SND1: variants seen among roughly 807,000 people sequenced by gnomAD.
The protein encoded by SND1 is staphylococcal nuclease domain-containing protein 1.
SND1 carries 38 observed loss-of-function variants against 121.7 expected under a neutral mutation model. The ratio of observed to expected loss-of-function variants is 0.31; its 90% CI spans 0.24 to 0.41. SND1 has a LOEUF of 0.41. Among genes scored for constraint, SND1 ranks in the 10% least tolerant of loss-of-function variants. SND1 has a pLI of 1.00. For synonymous variants in SND1, 401 were observed against 447.4 expected, an observed-to-expected ratio of 0.90 and a Z score of 1.31; for missense variants, 868 against 1,184.6, an observed-to-expected ratio of 0.73 and a Z score of 3.92.
chr7:128,062,799 A>T (rs1036811473), intron 16 of SND1, among the ~76,000 whole-genome samples: 3 of 152,008 alleles, frequency 2.0e-5, no homozygotes, highest in Non-Finnish European at 2.9e-5. Flanking sequence ...AGTTTTGAGA[A>T]CTCTGAAGGG....
intron 16 of SND1, among the ~76,000 whole-genome samples, chr7:128,035,477 C>T (rs1490915198): frequency 6.6e-6 from 1 of 152,180 alleles, no homozygotes; most frequent in Non-Finnish European, 1.5e-5. Flanking sequence ...TAAAGTGGAC[C>T]TTGGAGATTA....
intron 9 of SND1, among the ~76,000 whole-genome samples, chr7:127,710,122 G>C (rs1796272913): frequency 6.6e-6 from 1 of 151,770 alleles, no homozygotes; most frequent in East Asian, 1.9e-4. Context: ...AATGGATTTT[G>C]CGTTAATAAA....
chr7:127,929,548 G>A lies in SND1; in HGVS notation c.1669+219G>A, dbSNP rs557562603. Among the ~76,000 whole-genome samples the A allele has an allele frequency of 3.1e-4, 47 of 152,300 alleles. 1 individual carries two copies. The highest frequency in any genetic ancestry group is 6.2e-4 in the South Asian group (3 of 4,816). On this transcript the variant is annotated intron_variant, in intron 15 of 23. Coordinates refer to ENST00000354725, the MANE Select transcript of SND1 (RefSeq NM_014390.4). ...TGCTCCTCATTTCTACCAAGCACAGGATGTAGGAGTAGAGCAACTTGCAAG... is the reference window on the plus strand; with the variant it reads ...TGCTCCTCATTTCTACCAAGCACAGAATGTAGGAGTAGAGCAACTTGCAAG...
intron 10 of SND1, among the ~76,000 whole-genome samples, chr7:127,761,236 G>C (rs1159039315): frequency 6.6e-6 from 1 of 152,136 alleles, no homozygotes; most frequent in Non-Finnish European, 1.5e-5. Context: ...CATCCCAAAA[G>C]TTTCTTTTTG....
At chr7:127,699,944 G>C (rs906234735) in intron 4 of SND1, among the ~76,000 whole-genome samples, 1 of 152,178 alleles carries the variant, frequency 6.6e-6, no homozygotes, top group Non-Finnish European at 1.5e-5. Flanking sequence ...CCATAGACTT[G>C]TGTGGTCCTT....
At chr7:127,741,890 A>G (rs1389969026) in intron 10 of SND1, among the ~76,000 whole-genome samples, 1 of 152,074 alleles carries the variant, frequency 6.6e-6, no homozygotes, top group Admixed American at 6.6e-5. Context: ...TTGTTATTAA[A>G]TCTAATACCC....
chr7:128,030,536 G>T (rs538980409), intron 16 of SND1: 8 of 1,613,352 alleles, frequency 5.0e-6, no homozygotes, highest in South Asian at 1.1e-5. Flanking sequence ...CGGCAGCAGC[G>T]ATGGCTGCAC....
At chr7:127,669,015 C>T (rs1330069120) in intron 1 of SND1, among the ~76,000 whole-genome samples, 2 of 151,614 alleles carry the variant, frequency 1.3e-5, no homozygotes, top group African/African-American at 4.8e-5. Context: ...TTTTTTGAGA[C>T]GGAGTCTTGC....
At chr7:128,075,121 C>T (rs530416901) in intron 17 of SND1, among the ~76,000 whole-genome samples, 1 of 152,362 alleles carries the variant, frequency 6.6e-6, no homozygotes, top group Admixed American at 6.5e-5. Context: ...GGAAACAACC[C>T]TAGGAGAGGC....
At chr7:127,841,940 G>A (rs989233148) in intron 11 of SND1, among the ~76,000 whole-genome samples, 8 of 152,168 alleles carry the variant, frequency 5.3e-5, no homozygotes, top group Admixed American at 3.9e-4. Context: ...TCATAAGAAT[G>A]ATTTACCTTA....
chr7:127,850,676 A>G (rs140336689), intron 12 of SND1, among the ~76,000 whole-genome samples: 1,838 of 152,296 alleles, frequency 0.012, 141 homozygotes, highest in Admixed American at 0.1. Context: ...AACTCAACCC[A>G]AACCTTCCGC....
At chr7:127,660,732 A>G (rs1795293987) in intron 1 of SND1, among the ~76,000 whole-genome samples, 1 of 152,128 alleles carries the variant, frequency 6.6e-6, no homozygotes, top group Non-Finnish European at 1.5e-5. Context: ...ATTTTAATCT[A>G]TTTTTGGCAG....
chr7:127,938,210 G>A (rs202061147), intron 15 of SND1, among the ~76,000 whole-genome samples: 38 of 152,252 alleles, frequency 2.5e-4, no homozygotes, highest in East Asian at 7.7e-4. Flanking sequence ...GTTCATGTCC[G>A]GGGATCCTGG....
intron 16 of SND1, chr7:128,008,105 T>C (rs1047411296): frequency 1.3e-4 from 20 of 152,156 alleles, no homozygotes; most frequent in Non-Finnish European, 2.5e-4. Flanking sequence ...CAGTGGCATA[T>C]AAAAGGGAGT....
intron 12 of SND1, chr7:127,857,796 C>T: frequency 1.4e-6 from 1 of 733,832 alleles, no homozygotes; most frequent in Non-Finnish European, 2.5e-6. Flanking sequence ...CTTGGACCTC[C>T]TCCACAAAGT....
chr7:128,008,663 C>T (rs1319403378), intron 16 of SND1, among the ~76,000 whole-genome samples: 2 of 152,108 alleles, frequency 1.3e-5, no homozygotes, highest in Non-Finnish European at 2.9e-5. Context: ...GTATCCCATG[C>T]CCCTGGACCC....
At chr7:127,914,723 C>T (rs1223149916) in intron 14 of SND1, among the ~76,000 whole-genome samples, 2 of 152,120 alleles carry the variant, frequency 1.3e-5, no homozygotes, top group African/African-American at 4.8e-5. Flanking sequence ...AGTAAAAGAA[C>T]GCAGCAGAAA....
chr7:127,931,999 C>T (rs926366112), intron 15 of SND1, among the ~76,000 whole-genome samples: 2 of 152,196 alleles, frequency 1.3e-5, no homozygotes, highest in Non-Finnish European at 2.9e-5. Flanking sequence ...ATTGTACATG[C>T]CTGCTAACAT....
Position 128,081,400 on chromosome 7 carries a change from T to C in SND1, c.2009T>C (p.Met670Thr). The C allele has an allele frequency of 6.2e-7, 1 of 1,614,200 alleles. No individual in the cohort carries two copies. Among genetic ancestry groups the C allele is most frequent in the Non-Finnish European group, 8.5e-7 (1 of 1,180,034 alleles). ...HYEEQPVEEV[M>T]PVLEEKERSA... Reference sequence around the variant, plus strand: ...GAGGAGCAGCCCGTGGAGGAGGTGATGCCAGTGCTGGAGGAGAAGGAGCGA... The same window carrying C: ...GAGGAGCAGCCCGTGGAGGAGGTGACGCCAGTGCTGGAGGAGAAGGAGCGA... Residue 670 changes from methionine to threonine, a missense_variant, in exon 18 of 24, where the codon ATG (methionine) becomes ACG (threonine). Met to Thr is a moderately conservative substitution (Grantham distance 81, BLOSUM62 -1). Around this residue, in one of 2 missense-constraint regions of SND1, gnomAD observed 743 missense variants for 1,071.3 expected, o/e 0.69. Coordinates refer to ENST00000354725, the MANE Select transcript of SND1 (RefSeq NM_014390.4).
Sources: allele counts gnomAD v4.1 joint callset (sites outside exome capture counted in the v4.1 genomes callset), GRCh38; gene constraint gnomAD v4.1.1; regional missense constraint gnomAD v4.1.1; transcripts MANE v1.5; gene names NCBI Gene and HGNC (gene_info 2026-07-23, HGNC 2026-07-21).